Variants in DNM2 observed in about 807,000 individuals in gnomAD.
The protein encoded by DNM2 is dynamin-2.
DNM2 carries 15 observed loss-of-function variants against 99.0 expected under a neutral mutation model. The observed-to-expected ratio is 0.15, with a 90% CI of 0.10 to 0.23. The LOEUF is 0.23. DNM2 is among the 10% of genes least tolerant of loss of function. The pLI, the probability that DNM2 is intolerant of heterozygous loss-of-function variation, is 1.00. For synonymous variants in DNM2, 525 were observed against 481.2 expected, an observed-to-expected ratio of 1.09 and a Z score of -1.19; for missense variants, 742 against 1,189.4, an observed-to-expected ratio of 0.62 and a Z score of 5.53.
intron 18 of DNM2, 119 bp from the exon 19 acceptor site, chr19:10,828,915 ACT>A (rs2073240690): frequency 2.0e-6 from 2 of 1,012,170 alleles, no homozygotes; most frequent in Non-Finnish European, 3.0e-6. Context: ...ACAGAGCAAG[ACT>A]CTTTTTCAAA....
intron 2 of DNM2, among the ~76,000 whole-genome samples, chr19:10,771,793 A>G (rs1051283950): frequency 2.6e-5 from 4 of 152,156 alleles, no homozygotes; most frequent in African/African-American, 7.2e-5. Context: ...CTGGGCGTGG[A>G]GGCATATGCC....
At chr19:10,734,022 A>T (rs1020232201) in intron 1 of DNM2, among the ~76,000 whole-genome samples, 6 of 151,948 alleles carry the variant, frequency 3.9e-5, no homozygotes, top group African/African-American at 1.5e-4. Flanking sequence ...AATAAAAAAA[A>T]AAAAATGAAT....
chr19:10,798,379 T>G, intron 10 of DNM2, 107 bp from the exon 11 acceptor site: 2 of 538,886 alleles, frequency 3.7e-6, no homozygotes, highest in South Asian at 3.8e-5. Context: ...GTGGGCCCCC[T>G]CATATCTCAT....
intron 7 of DNM2, among the ~76,000 whole-genome samples, chr19:10,788,304 G>A (rs941351228): frequency 2.6e-5 from 4 of 152,132 alleles, no homozygotes; most frequent in South Asian, 2.1e-4. Flanking sequence ...GGCAGGAGCC[G>A]TGTGGGATTA....
chr19:10,735,215 A>T (rs1212989357), intron 1 of DNM2, among the ~76,000 whole-genome samples: 1 of 146,966 alleles, frequency 6.8e-6, no homozygotes, highest in Non-Finnish European at 1.5e-5. Context: ...TAATTTTTGT[A>T]TTTTTTTTTA....
chr19:10,809,503 T>G (rs1277945148), intron 14 of DNM2: 1 of 152,366 alleles, frequency 6.6e-6, no homozygotes, highest in Non-Finnish European at 1.5e-5. Flanking sequence ...CCTTCCTTTG[T>G]GCAGAACCCT....
chr19:10,740,666 C>T (rs998568974), intron 1 of DNM2, among the ~76,000 whole-genome samples: 5 of 152,134 alleles, frequency 3.3e-5, no homozygotes, highest in African/African-American at 9.6e-5. Flanking sequence ...CGTAAGCCAC[C>T]GCGCCCGGCC....
intron 16 of DNM2, 198 bp from the exon 17 acceptor site, chr19:10,823,590 G>C (rs1485777789): frequency 3.4e-6 from 2 of 584,518 alleles, no homozygotes; most frequent in African/African-American, 3.7e-5. Context: ...AAGAAACTCA[G>C]ACACTTGCCG....
At chr19:10,752,696 C>G (rs1445298693) in intron 1 of DNM2, among the ~76,000 whole-genome samples, 4 of 152,260 alleles carry the variant, frequency 2.6e-5, no homozygotes, top group African/African-American at 7.2e-5. Context: ...CCCCCACCCT[C>G]TGGGCCTCAT....
chr19:10,824,617 C>G (rs1021264680), intron 17 of DNM2: 1 of 220,822 alleles, frequency 4.5e-6, no homozygotes, highest in African/African-American at 2.3e-5. Flanking sequence ...ACAGCCTGGG[C>G]AATGTTGCAA....
rs771072910 is a variant in DNM2, at chr19:10,772,534, C to T, written c.291C>T (p.Val97=). The T allele has an allele frequency of 7.4e-6, 12 of 1,614,156 alleles. No homozygotes were observed. Among genetic ancestry groups the T allele is most frequent in the Non-Finnish European group, 1.0e-5 (12 of 1,180,036 alleles). Residue 97 remains valine (V), a synonymous_variant, in exon 3 of 21, where the codon GTC becomes GTT. Coordinates refer to ENST00000389253, the MANE Select transcript of DNM2 (RefSeq NM_001005361.3). This position sits in a 1 kb window ranked among gnomAD's most constrained non-coding sequence, Gnocchi z 4.9. ...KSKKFTDFDE[V]RQEIEAETDR... Reference sequence around the variant, plus strand: ...AAAAGTTTACAGACTTTGATGAAGTCCGGCAGGAGATTGAAGCAGAGACCG... The same window carrying T: ...AAAAGTTTACAGACTTTGATGAAGTTCGGCAGGAGATTGAAGCAGAGACCG...
intron 1 of DNM2, among the ~76,000 whole-genome samples, chr19:10,756,582 G>A (rs1035579040): frequency 2.0e-5 from 3 of 152,126 alleles, no homozygotes; most frequent in Non-Finnish European, 4.4e-5. Flanking sequence ...CAGGTCCCTC[G>A]GGCTCTTTGT....
intron 1 of DNM2, among the ~76,000 whole-genome samples, chr19:10,734,613 C>T (rs117531651): frequency 0.03 from 4,020 of 132,122 alleles, 65 homozygotes; most frequent in South Asian, 0.092. Flanking sequence ...CACACCAGCC[C>T]GGGCAACAGA....
chr19:10,746,536 A>G (rs991061122), intron 1 of DNM2, among the ~76,000 whole-genome samples: 3 of 151,454 alleles, frequency 2.0e-5, no homozygotes, highest in Non-Finnish European at 2.9e-5. Flanking sequence ...CGATTCTCCC[A>G]CCTCAGCCTC....
At chr19:10,808,488 C>G in intron 13 of DNM2, 81 bp from the exon 14 acceptor site, 2 of 1,493,768 alleles carry the variant, frequency 1.3e-6, no homozygotes, top group Non-Finnish European at 1.8e-6. Flanking sequence ...TTTTCTTTGT[C>G]CCCTTCACGT....
At chr19:10,743,601 G>A (rs1444346290) in intron 1 of DNM2, among the ~76,000 whole-genome samples, 1 of 151,852 alleles carries the variant, frequency 6.6e-6, no homozygotes, top group Non-Finnish European at 1.5e-5. Flanking sequence ...ACAAGGTCAG[G>A]AGATCGAGAC....
chr19:10,815,750 C>T (rs1433412569), intron 15 of DNM2, among the ~76,000 whole-genome samples: 1 of 152,164 alleles, frequency 6.6e-6, no homozygotes, highest in African/African-American at 2.4e-5. Flanking sequence ...CCCCTGGAGC[C>T]GCCCTGCCTG....
At position 10,831,264 on chromosome 19, in the gene DNM2, T is replaced by G; in HGVS notation, c.*217T>G. Reference sequence around the variant, plus strand: ...CCCTGGAGCTCCAGGCAGGGGGCGCTGGGGTGTTGCACTTTGGGGGATGGA... The same window carrying G: ...CCCTGGAGCTCCAGGCAGGGGGCGCGGGGGTGTTGCACTTTGGGGGATGGA... On this transcript the variant is annotated 3_prime_UTR_variant, in exon 21 of 21. Transcript: ENST00000389253. The surrounding 1 kb of genome is among the most constrained non-coding windows in gnomAD (Gnocchi z 4.3). 1 of 1,316,186 alleles carries G rather than the reference T, an allele frequency of 7.6e-7. No homozygotes were observed. Among genetic ancestry groups the G allele is most frequent in the Non-Finnish European group, 9.7e-7 (1 of 1,036,194 alleles). The allele number at this position is 1,316,186 out of a possible 1,614,324, so 81.5% of individuals were successfully genotyped here.
chr19:10,737,205 G>A (rs10416093), intron 1 of DNM2, among the ~76,000 whole-genome samples: 5,210 of 152,022 alleles, frequency 0.034, 304 homozygotes, highest in African/African-American at 0.12. Flanking sequence ...AAATGAAGTC[G>A]TCCCTGAGGC....
Sources: gnomAD v4.1 joint callset for allele counts (sites outside exome capture counted in the v4.1 genomes callset) on GRCh38, gnomAD v4.1.1 for gene constraint, Gnocchi (gnomAD v3.1) non-coding constraint, MANE v1.5 for transcripts, NCBI Gene and HGNC (gene_info 2026-07-23, HGNC 2026-07-21) for gene names.